The following PLAGL1 variants were observed in gnomAD, a reference collection of about 807,000 sequenced individuals.
The protein encoded by PLAGL1 is zinc finger protein PLAGL1.
Under a neutral mutation model 4.6 loss-of-function variants are expected in PLAGL1, and 1 was observed. The observed-to-expected ratio is 0.22, with a 90% CI of 0.08 to 1.03. The LOEUF (loss-of-function observed/expected upper bound fraction) is 1.03, where lower values mean the gene tolerates loss of function less well. Among genes scored for constraint, PLAGL1 ranks in the 50% least tolerant of loss-of-function variants. PLAGL1 has a pLI of 0.58. For synonymous variants in PLAGL1, 240 were observed against 237.8 expected, an observed-to-expected ratio of 1.01 and a Z score of -0.08; for missense variants, 464 against 570.4, an observed-to-expected ratio of 0.81 and a Z score of 1.90.
intron 1 of PLAGL1, among the ~76,000 whole-genome samples, chr6:144,049,989 G>A (rs984655709): frequency 2.6e-5 from 4 of 152,150 alleles, no homozygotes; most frequent in Non-Finnish European, 5.9e-5. Flanking sequence ...TGGAGGGGAG[G>A]AAAGGTGCAG....
At position 144,063,909 on chromosome 6, in the gene PLAGL1, G is replaced by A. The variant is rs920339107; in HGVS notation, c.-151+559C>T. 3.2e-4 allele frequency among the ~76,000 whole-genome samples: 48 copies of A among 152,188 alleles called. No homozygotes were observed. Among genetic ancestry groups the A allele is most frequent in the African/African-American group, 1.2e-3 (48 of 41,456 alleles). ...CCAGGTCTCTTTTCTCCCGGAGTCT[G>A]CGGGGACCTCCCCGCCGCAACTCGG... On this transcript the variant is annotated intron_variant, in intron 1 of 3. Transcript: ENST00000437412. This position sits in a 1 kb window ranked among gnomAD's most constrained non-coding sequence, Gnocchi z 5.7.
intron 2 of PLAGL1, among the ~76,000 whole-genome samples, chr6:143,981,197 T>A (rs541779815): frequency 6.7e-6 from 1 of 149,866 alleles, no homozygotes; most frequent in African/African-American, 2.4e-5. Flanking sequence ...AGCATTAGTC[T>A]TCTGAGTACA....
Position 144,056,615 on chromosome 6 carries a change from G to A in PLAGL1, c.-151+7853C>T, listed in dbSNP as rs1175406726. On this transcript the variant is annotated intron_variant, in intron 1 of 3. Coordinates refer to the PLAGL1 transcript ENST00000437412. The surrounding 1 kb of genome is among the most constrained non-coding windows in gnomAD (Gnocchi z 4.7). ...GTTGGCTTCTTTCACTTAGTAATAT[G>A]CATTTAAGATTCCTCCATGTCCTTT... is the stretch of plus-strand genomic sequence containing the variant. Among the ~76,000 whole-genome samples the A allele has an allele frequency of 2.0e-5, 3 of 152,220 alleles. No individual in the cohort carries two copies. The highest frequency in any genetic ancestry group is 2.1e-4 in the South Asian group (1 of 4,814).
intron 1 of PLAGL1, among the ~76,000 whole-genome samples, chr6:143,988,728 G>A (rs1045164565): frequency 6.6e-6 from 1 of 152,162 alleles, no homozygotes; most frequent in African/African-American, 2.4e-5. Flanking sequence ...AGGTTTTGGT[G>A]AGGAACCTCC....
rs989038447 is a variant in PLAGL1 at position 144,000,939 on chromosome 6, A to G, written c.-584+7151T>C. On this transcript the variant is annotated intron_variant, in intron 1 of 7. Transcript: ENST00000674357. The surrounding 1 kb of genome is among the most constrained non-coding windows in gnomAD (Gnocchi z 4.1). ...ATAGATGCAGAAAAAGCATTTGACA[A>G]AATTAAAAATAGAGTATACGTACAT... Among the ~76,000 whole-genome samples, 9 of 152,164 alleles carry G rather than the reference A, an allele frequency of 5.9e-5. No individual in the cohort carries two copies. Among genetic ancestry groups the G allele is most frequent in the African/African-American group, 2.2e-4 (9 of 41,456 alleles).
chr6:144,035,034 G>C (rs1008535188), intron 1 of PLAGL1, among the ~76,000 whole-genome samples: 11 of 152,056 alleles, frequency 7.2e-5, no homozygotes, highest in African/African-American at 2.2e-4. Context: ...GGGTATAAGG[G>C]CATTCACTGT....
At chr6:144,044,371 C>T (rs534214262) in intron 1 of PLAGL1, among the ~76,000 whole-genome samples, 26 of 152,280 alleles carry the variant, frequency 1.7e-4, no homozygotes, top group Non-Finnish European at 3.1e-4. Context: ...GATTCTGGTA[C>T]ATTGTGTCTT....
intron 1 of PLAGL1, among the ~76,000 whole-genome samples, chr6:144,046,815 G>A (rs188886214): frequency 6.6e-6 from 1 of 152,308 alleles, no homozygotes; most frequent in Admixed American, 6.5e-5. Context: ...TACAGAGGCA[G>A]GCAGGCAGGC....
Position 143,941,082 on chromosome 6 carries a change from C to T in PLAGL1, c.*342G>A, listed in dbSNP as rs775132795. On this transcript the variant is annotated 3_prime_UTR_variant, in exon 8 of 8. Coordinates refer to ENST00000674357, the MANE Select transcript of PLAGL1 (RefSeq NM_001317162.2). The surrounding 1 kb of genome is among the most constrained non-coding windows in gnomAD (Gnocchi z 6.0). Reference sequence around the variant, plus strand: ...CCATAGTTCCCTTACTAGGCAGTGCCACATAAAGTTATTTAGTTAACATTA... The same window carrying T: ...CCATAGTTCCCTTACTAGGCAGTGCTACATAAAGTTATTTAGTTAACATTA... 1.7e-5 allele frequency: 3 copies of T among 173,198 alleles called. No individual in the cohort carries two copies. The highest frequency in any genetic ancestry group is 3.6e-5 in the Non-Finnish European group (3 of 82,420). 10.7% of individuals were successfully genotyped at this position (173,198 alleles called of 1,614,324 possible). A position where few individuals can be genotyped will look rare whatever the true frequency, so the allele number is the denominator to read the frequency against.
rs116910666 is a variant in PLAGL1 at position 143,953,536 on chromosome 6, G to T, written c.-324-5076C>A. On this transcript the variant is annotated intron_variant, in intron 6 of 7. Transcript: ENST00000674357. The surrounding 1 kb of genome is among the most constrained non-coding windows in gnomAD (Gnocchi z 5.3). ...ATCCTAGCCAGAACATCTGAAAAGG[G>T]ACAGGGTGTGTTCTGTTTACAAATA... Among the ~76,000 whole-genome samples, 19 of 152,218 alleles carry T rather than the reference G, an allele frequency of 1.2e-4. No homozygotes were observed. The highest frequency in any genetic ancestry group is 2.6e-4 in the Non-Finnish European group (18 of 68,034).
intron 1 of PLAGL1, among the ~76,000 whole-genome samples, chr6:144,025,433 T>C (rs1796265330): frequency 6.6e-6 from 1 of 152,172 alleles, no homozygotes; most frequent in Admixed American, 6.5e-5. Context: ...TTAATAATAA[T>C]ATGTATCACT....
chr6:144,034,273 C>T lies in PLAGL1; in HGVS notation c.-151+30195G>A, dbSNP rs563999212. On this transcript the variant is annotated intron_variant, in intron 1 of 3. Transcript: ENST00000437412. This position sits in a 1 kb window ranked among gnomAD's most constrained non-coding sequence, Gnocchi z 4.7. Reference sequence around the variant, plus strand: ...CTCTAGCTGCCAAGGCCCAGGCTGACAACCCCCCAACCACACCACACCCTC... The same window carrying T: ...CTCTAGCTGCCAAGGCCCAGGCTGATAACCCCCCAACCACACCACACCCTC... Among the ~76,000 whole-genome samples, 4 of 152,260 alleles carry T rather than the reference C, an allele frequency of 2.6e-5. No individual in the cohort carries two copies. Among genetic ancestry groups the T allele is most frequent in the Admixed American group, 2.6e-4 (4 of 15,300 alleles).
rs1415286946 is a variant in PLAGL1, at chr6:143,985,930, T to C, written c.-583-756A>G. On this transcript the variant is annotated intron_variant, in intron 1 of 7. Coordinates refer to ENST00000674357, the MANE Select transcript of PLAGL1 (RefSeq NM_001317162.2). This position sits in a 1 kb window ranked among gnomAD's most constrained non-coding sequence, Gnocchi z 4.4. ...GTGTGTGTGTGTGTATACACACACA[T>C]ATATATAAAAGATATATATACACAT... Among the ~76,000 whole-genome samples, 4 of 143,806 alleles carry C rather than the reference T, an allele frequency of 2.8e-5. No homozygotes were observed. The highest frequency in any genetic ancestry group is 4.5e-5 in the Non-Finnish European group (3 of 66,242). The allele number at this position is 143,806 out of a possible 152,430, so 94.3% of individuals were successfully genotyped here.
rs991216409 is a variant in PLAGL1 at position 144,064,186 on chromosome 6, G to T, written c.-151+282C>A. The stretch of plus-strand genomic sequence containing the variant: ...CCCGCCCTCCGCCCAGCGCAGAAGC[G>T]AAGAGCTGCAGACGACGGAGAAAAG... On this transcript the variant is annotated intron_variant, in intron 1 of 3. Coordinates refer to the PLAGL1 transcript ENST00000437412. The surrounding 1 kb of genome is among the most constrained non-coding windows in gnomAD (Gnocchi z 6.8). 6.6e-6 allele frequency among the ~76,000 whole-genome samples: 1 copy of T among 152,048 alleles called. No individual in the cohort carries two copies. Among genetic ancestry groups the T allele is most frequent in the Non-Finnish European group, 1.5e-5 (1 of 67,956 alleles).
In PLAGL1 at chr6:143,950,081, G is replaced by A. The variant is rs915982948; in HGVS notation, c.-324-1621C>T. 6.6e-6 allele frequency among the ~76,000 whole-genome samples: 1 copy of A among 152,086 alleles called. No homozygotes were observed. Among genetic ancestry groups the A allele is most frequent in the Non-Finnish European group, 1.5e-5 (1 of 68,020 alleles). On this transcript the variant is annotated intron_variant, in intron 6 of 7. Transcript: ENST00000674357. This position sits in a 1 kb window ranked among gnomAD's most constrained non-coding sequence, Gnocchi z 6.3. ...GTCTGGACAGAGTTCGCGGTACCAAGCAAATACCCCTCACCATCCTGCCTC... is the reference window on the plus strand; with the variant it reads ...GTCTGGACAGAGTTCGCGGTACCAAACAAATACCCCTCACCATCCTGCCTC...
Position 143,958,750 on chromosome 6 carries a change from G to A in PLAGL1, c.-325+1719C>T, listed in dbSNP as rs981832964. Among the ~76,000 whole-genome samples the A allele has an allele frequency of 6.6e-6, 1 of 152,014 alleles. No homozygotes were observed. Among genetic ancestry groups the A allele is most frequent in the African/African-American group, 2.4e-5 (1 of 41,352 alleles). ...TTTAAACTGATTAACATTTCATCAG[G>A]TTTCCATTTTAAAAGAAAATGGCAC... is the stretch of plus-strand genomic sequence containing the variant. On this transcript the variant is annotated intron_variant, in intron 6 of 7. Coordinates refer to ENST00000674357, the MANE Select transcript of PLAGL1 (RefSeq NM_001317162.2). The surrounding 1 kb of genome is among the most constrained non-coding windows in gnomAD (Gnocchi z 5.1).
chr6:144,001,735 C>T (rs975192065), intron 1 of PLAGL1, among the ~76,000 whole-genome samples: 4 of 152,144 alleles, frequency 2.6e-5, no homozygotes, highest in African/African-American at 9.7e-5. Flanking sequence ...GTTGATGTGG[C>T]TATCATATGC....
rs1333494376 is a variant in PLAGL1, at chr6:143,942,796, A to G, written c.153-133T>C. The stretch of plus-strand genomic sequence containing the variant: ...TATAATTTTCAAAATTCTTTCATAT[A>G]TTTTCCAAATATATAAACTTTTATA... On this transcript the variant is annotated intron_variant, in intron 7 of 7. Transcript: ENST00000674357. The surrounding 1 kb of genome is among the most constrained non-coding windows in gnomAD (Gnocchi z 7.6). 1.6e-6 allele frequency: 1 copy of G among 625,536 alleles called. No homozygotes were observed. Among genetic ancestry groups the G allele is most frequent in the Non-Finnish European group, 2.6e-6 (1 of 378,960 alleles). 38.7% of individuals were successfully genotyped at this position (625,536 alleles called of 1,614,324 possible).
At chr6:143,999,819 A>G (rs1351181582) in intron 1 of PLAGL1, among the ~76,000 whole-genome samples, 1 of 152,220 alleles carries the variant, frequency 6.6e-6, no homozygotes, top group Non-Finnish European at 1.5e-5. Context: ...TTTAAATTAA[A>G]ATAACCTAAC....
Sources: gnomAD v4.1 joint callset for allele counts (sites outside exome capture counted in the v4.1 genomes callset) on GRCh38, gnomAD v4.1.1 for gene constraint, Gnocchi (gnomAD v3.1) non-coding constraint, MANE v1.5 for transcripts, NCBI Gene and HGNC (gene_info 2026-07-23, HGNC 2026-07-21) for gene names.